Variants in UBE2E2 observed in about 807,000 individuals in gnomAD.
UBE2E2 encodes the protein ubiquitin-conjugating enzyme E2 E2.
In UBE2E2, 6 loss-of-function variants were observed where a neutral mutation model predicts 24.7. The observed-to-expected ratio is 0.24, with a 90% CI of 0.13 to 0.48. The LOEUF (loss-of-function observed/expected upper bound fraction) is 0.48. UBE2E2 is among the 20% of genes least tolerant of loss of function. The pLI is 0.99. For missense variants in UBE2E2, 169 were observed against 245.0 expected (o/e 0.69, Z 2.07); for synonymous variants, 104 against 83.6 (o/e 1.24, Z -1.33).
intron 3 of UBE2E2, among the ~76,000 whole-genome samples, chr3:23,229,269 G>C (rs1334371340): frequency 6.6e-6 from 1 of 152,196 alleles, no homozygotes; most frequent in African/African-American, 2.4e-5. Context: ...TCTTTGAGGT[G>C]ACAGTAGTTT....
chr3:23,210,559 A>G (rs1223422348), intron 2 of UBE2E2, among the ~76,000 whole-genome samples: 1 of 152,220 alleles, frequency 6.6e-6, no homozygotes, highest in East Asian at 1.9e-4. Flanking sequence ...TACAGTATAT[A>G]GAGAAAGTAC....
chr3:23,310,567 A>AGAAGTT (rs1694348116), intron 3 of UBE2E2, among the ~76,000 whole-genome samples: 1 of 152,166 alleles, frequency 6.6e-6, no homozygotes, highest in South Asian at 2.1e-4. Flanking sequence ...GGCAGAAGGA[A>AGAAGTT]GAAGTTGAAG....
At chr3:23,359,294 T>C (rs1696049281) in intron 3 of UBE2E2, among the ~76,000 whole-genome samples, 1 of 152,198 alleles carries the variant, frequency 6.6e-6, no homozygotes, top group Non-Finnish European at 1.5e-5. Context: ...TTGAGAAATA[T>C]GGTTCTGGCA....
intron 3 of UBE2E2, among the ~76,000 whole-genome samples, chr3:23,475,315 C>T (rs1699104333): frequency 6.6e-6 from 1 of 152,078 alleles, no homozygotes; most frequent in African/African-American, 2.4e-5. Context: ...TGCAATACAG[C>T]CCTTTTTACC....
At chr3:23,528,235 T>G (rs1216254406) in intron 4 of UBE2E2, among the ~76,000 whole-genome samples, 1 of 152,200 alleles carries the variant, frequency 6.6e-6, no homozygotes, top group Non-Finnish European at 1.5e-5. Flanking sequence ...ATTCTTCCAA[T>G]CTCATAGAAA....
chr3:23,432,444 T>G (rs1453081952), intron 3 of UBE2E2, among the ~76,000 whole-genome samples: 1 of 152,044 alleles, frequency 6.6e-6, no homozygotes, highest in Non-Finnish European at 1.5e-5. Context: ...TTTAAACAAA[T>G]TTTTTACATC....
rs751544451 is a variant in UBE2E2 at position 23,416,869 on chromosome 3, G to A, written c.228-82739G>A. Reference sequence around the variant, plus strand: ...CTATTGATACTTGTGTATGCTCCACGAAGTTCTTGTGCTGTGTTTTTCAGC... The same window carrying A: ...CTATTGATACTTGTGTATGCTCCACAAAGTTCTTGTGCTGTGTTTTTCAGC... On this transcript the variant is annotated intron_variant, in intron 3 of 5. Coordinates refer to ENST00000396703, the MANE Select transcript of UBE2E2 (RefSeq NM_152653.4). Among the ~76,000 whole-genome samples, 19 of 152,122 alleles carry A rather than the reference G, an allele frequency of 1.2e-4. No homozygotes were observed. The East Asian group carries it at 1.5e-3, about 12-fold the overall frequency.
intron 1 of UBE2E2, chr3:23,204,845 A>G: frequency 1.3e-6 from 1 of 791,362 alleles, no homozygotes; most frequent in South Asian, 5.8e-5. Context: ...CAAGACATAT[A>G]TGACAGAATT....
chr3:23,379,958 G>A (rs1696624761), intron 3 of UBE2E2, among the ~76,000 whole-genome samples: 1 of 152,062 alleles, frequency 6.6e-6, no homozygotes, highest in Non-Finnish European at 1.5e-5. Context: ...GAAGGAATCA[G>A]TGGGGCAGTC....
At chr3:23,507,881 C>A (rs112370216) in intron 4 of UBE2E2, among the ~76,000 whole-genome samples, 2,044 of 152,286 alleles carry the variant, frequency 0.013, 38 homozygotes, top group African/African-American at 0.045. Flanking sequence ...ATCCTCTTTC[C>A]GAAGACACTG....
At chr3:23,313,007 C>T (rs1180133291) in intron 3 of UBE2E2, among the ~76,000 whole-genome samples, 1 of 151,952 alleles carries the variant, frequency 6.6e-6, no homozygotes, top group Non-Finnish European at 1.5e-5. Flanking sequence ...TGTTTTGTGG[C>T]CTTACATATG....
rs78500536 is a variant in UBE2E2, at chr3:23,399,174, A to G, written c.228-100434A>G. Among the ~76,000 whole-genome samples, 1,300 of 152,282 alleles carry G rather than the reference A, an allele frequency of 8.5e-3. 13 individuals carry two copies. Among genetic ancestry groups the G allele is most frequent in the African/African-American group, 0.03 (1,237 of 41,554 alleles). On this transcript the variant is annotated intron_variant, in intron 3 of 5. Coordinates refer to ENST00000396703, the MANE Select transcript of UBE2E2 (RefSeq NM_152653.4). ...CATCGTTTCTTACCATAGTAACCTC[A>G]GCGTAGGATTTTTCCTTTCCTGTTC... is the stretch of plus-strand genomic sequence containing the variant.
intron 3 of UBE2E2, among the ~76,000 whole-genome samples, chr3:23,415,901 C>T (rs1293575423): frequency 6.6e-6 from 1 of 152,052 alleles, no homozygotes; most frequent in Admixed American, 6.6e-5. Flanking sequence ...CCTAGCCTCC[C>T]AGCCCCCGAG....
chr3:23,569,541 C>T (rs1343972655), intron 5 of UBE2E2, among the ~76,000 whole-genome samples: 1 of 152,130 alleles, frequency 6.6e-6, no homozygotes, highest in Non-Finnish European at 1.5e-5. Context: ...GGCATCTTGG[C>T]CTGTTTCCTC....
chr3:23,266,967 C>T (rs571080879), intron 3 of UBE2E2, among the ~76,000 whole-genome samples: 8 of 151,994 alleles, frequency 5.3e-5, no homozygotes, highest in African/African-American at 7.3e-5. Context: ...GGGTACATAA[C>T]GAAATGAAGG....
rs147382810 is a variant in UBE2E2 at position 23,438,830 on chromosome 3, A to T, written c.228-60778A>T. Among the ~76,000 whole-genome samples the T allele has an allele frequency of 2.5e-3, 388 of 152,320 alleles. 1 individual carries two copies. The highest frequency in any genetic ancestry group is 4.5e-3 in the Non-Finnish European group (303 of 68,024). ...TGTATTCATATTGAAACCATAAAAG[A>T]ATCAGAATTACTGTGGGTTTATGAT... On this transcript the variant is annotated intron_variant, in intron 3 of 5. Coordinates refer to ENST00000396703, the MANE Select transcript of UBE2E2 (RefSeq NM_152653.4).
intron 4 of UBE2E2, among the ~76,000 whole-genome samples, chr3:23,511,902 A>G (rs1694602038): frequency 6.6e-6 from 1 of 152,218 alleles, no homozygotes; most frequent in African/African-American, 2.4e-5. Flanking sequence ...ATAAGTCAAA[A>G]TAATTACCTG....
At chr3:23,578,274 A>T (rs1377678043) in intron 5 of UBE2E2, among the ~76,000 whole-genome samples, 1 of 152,318 alleles carries the variant, frequency 6.6e-6, no homozygotes, top group African/African-American at 2.4e-5. Flanking sequence ...TAACAAGTCA[A>T]AAAACAACAA....
Position 23,538,658 on chromosome 3 carries a change from A to G in UBE2E2, c.508+5957A>G, listed in dbSNP as rs367875328. Among the ~76,000 whole-genome samples the G allele has an allele frequency of 5.9e-5, 9 of 152,158 alleles. No homozygotes were observed. In the South Asian group the frequency reaches 6.2e-4, roughly 11 times the overall value. On this transcript the variant is annotated intron_variant, in intron 5 of 5. Coordinates refer to ENST00000396703, the MANE Select transcript of UBE2E2 (RefSeq NM_152653.4). ...GCTATTCATAATGTTGAGGTTCTAG[A>G]AAAATTGAAGGCTTATTAAGATGGA...
Sources: allele counts gnomAD v4.1 joint callset (sites outside exome capture counted in the v4.1 genomes callset), GRCh38; gene constraint gnomAD v4.1.1; transcripts MANE v1.5; gene names NCBI Gene and HGNC (gene_info 2026-07-23, HGNC 2026-07-21).